Variants in PEX7 observed in about 807,000 individuals in gnomAD.
PEX7 encodes peroxisomal biogenesis factor 7.
A neutral mutation model predicts 47.5 loss-of-function variants in PEX7; 34 were observed. The observed-to-expected ratio is 0.72, with a 90% CI of 0.54 to 0.95. The LOEUF is 0.95. PEX7 is among the 40% of genes least tolerant of loss of function. The probability of loss-of-function intolerance (pLI) is 0.00; values close to 1 mark genes in which losing one functional copy is unlikely to be tolerated. For synonymous variants in PEX7, 141 were observed against 148.8 expected, an observed-to-expected ratio of 0.95 and a Z score of 0.38; for missense variants, 394 against 400.3, an observed-to-expected ratio of 0.98 and a Z score of 0.13.
intron 5 of PEX7, among the ~76,000 whole-genome samples, chr6:136,849,886 G>A (rs1774708032): frequency 6.6e-6 from 1 of 152,144 alleles, no homozygotes; most frequent in African/African-American, 2.4e-5. Flanking sequence ...GTGCAGAGCT[G>A]AGTTTAATTC....
chr6:136,844,740 G>C (rs1454658534), intron 3 of PEX7, among the ~76,000 whole-genome samples: 2 of 152,092 alleles, frequency 1.3e-5, no homozygotes, highest in African/African-American at 2.4e-5. Flanking sequence ...TAAGTGACGG[G>C]ATCAGTATTA....
chr6:136,831,526 C>T (rs150874354), intron 3 of PEX7, among the ~76,000 whole-genome samples: 1 of 152,374 alleles, frequency 6.6e-6, no homozygotes, highest in African/African-American at 2.4e-5. Flanking sequence ...GACTTTCCAA[C>T]AGTCCCCCAA....
Position 136,902,064 on chromosome 6 carries a change from C to T in PEX7, c.903+3823C>T, listed in dbSNP as rs1775761890. On this transcript the variant is annotated intron_variant, in intron 9 of 9. Coordinates refer to ENST00000318471, the MANE Select transcript of PEX7 (RefSeq NM_000288.4). The stretch of plus-strand genomic sequence containing the variant: ...CCTCCCAAAGTGCTGAGATTACAGG[C>T]GTGAGCCACTGCGCCCAGCCAAGTT... Among the ~76,000 whole-genome samples, 4 of 152,200 alleles carry T rather than the reference C, an allele frequency of 2.6e-5. No individual in the cohort carries two copies. The South Asian group carries it at 6.2e-4, about 24-fold the overall frequency.
intron 8 of PEX7, among the ~76,000 whole-genome samples, chr6:136,893,781 T>C (rs927374776): frequency 6.6e-6 from 1 of 152,188 alleles, no homozygotes; most frequent in African/African-American, 2.4e-5. Flanking sequence ...ATGTAAGACA[T>C]TGAAAAATAG....
chr6:136,891,491 G>C (rs1775553371), intron 8 of PEX7, among the ~76,000 whole-genome samples: 1 of 151,908 alleles, frequency 6.6e-6, no homozygotes, highest in Admixed American at 6.6e-5. Context: ...CAGGTAGTTA[G>C]GGTTTTTTTC....
chr6:136,845,935 C>G (rs991936569), intron 4 of PEX7, 138 bp from the exon 5 acceptor site: 1 of 688,056 alleles, frequency 1.5e-6, no homozygotes, highest in Non-Finnish European at 2.6e-6. Flanking sequence ...CAAAACAGAT[C>G]TTTAAAAATC....
chr6:136,872,139 C>T, intron 7 of PEX7, 59 bp from the exon 8 acceptor site: 1 of 1,309,644 alleles, frequency 7.6e-7, no homozygotes, highest in South Asian at 1.2e-5. Context: ...TCATAGAAAG[C>T]AGTGTTATAA....
intron 3 of PEX7, among the ~76,000 whole-genome samples, chr6:136,840,026 C>T (rs1307246916): frequency 2.6e-5 from 4 of 152,070 alleles, no homozygotes; most frequent in African/African-American, 9.7e-5. Flanking sequence ...GTGGAGAGGC[C>T]AGGGTAGTAG....
chr6:136,872,095 T>C, intron 7 of PEX7, 103 bp from the exon 8 acceptor site: 1 of 1,035,946 alleles, frequency 9.7e-7, no homozygotes, highest in Non-Finnish European at 1.4e-6. Flanking sequence ...CAGCTCTGAC[T>C]CAACTTAAAT....
chr6:136,827,824 G>A (rs1423512360), intron 3 of PEX7, among the ~76,000 whole-genome samples: 3 of 150,288 alleles, frequency 2.0e-5, no homozygotes, highest in Non-Finnish European at 4.4e-5. Flanking sequence ...GAGCCACCGT[G>A]CCCAGCCAAT....
intron 4 of PEX7, 83 bp downstream of exon 4, chr6:136,845,775 C>A (rs1582744793): frequency 3.4e-6 from 3 of 881,026 alleles, no homozygotes; most frequent in Non-Finnish European, 5.8e-6. Context: ...TTCCAACATA[C>A]TTCTGTAGCT....
Position 136,846,148 on chromosome 6 carries a change from C to T in PEX7, c.493C>T (p.Pro165Ser), listed in dbSNP as rs769206820. 1.2e-6 allele frequency: 2 copies of T among 1,612,824 alleles called. No homozygotes were observed. Among genetic ancestry groups the T allele is most frequent in the East Asian group, 2.2e-5 (1 of 44,846 alleles). The change falls in exon 5 of 10, where the codon CCC becomes TCC. Residue 165 changes from proline to serine, a missense_variant. Pro to Ser is a moderately conservative substitution (Grantham distance 74). Transcript: ENST00000318471. ...TATTATTTATAGCACAATCTGGTCT[C>T]CCCACATCCCTGGTTGTTTTGCTTC... Reference protein sequence around the residue: ...ESIIYSTIWSPHIPGCFASAS... With the variant: ...ESIIYSTIWSSHIPGCFASAS...
chr6:136,849,245 C>G (rs1225044597), intron 5 of PEX7, among the ~76,000 whole-genome samples: 2 of 151,916 alleles, frequency 1.3e-5, no homozygotes, highest in Non-Finnish European at 2.9e-5. Context: ...TCTCCCTTTT[C>G]TTCTTTATTA....
chr6:136,893,202 C>CTTTTTTTTTTT (rs1487406339), intron 8 of PEX7, among the ~76,000 whole-genome samples: 1 of 150,454 alleles, frequency 6.6e-6, no homozygotes, highest in Non-Finnish European at 1.5e-5. Context: ...CTTTTTTTTT[C>CTTTTTTTTTTT]TTTTTTTAAA....
intron 5 of PEX7, among the ~76,000 whole-genome samples, chr6:136,866,159 T>C (rs1343085818): frequency 6.6e-6 from 1 of 151,858 alleles, no homozygotes; most frequent in Non-Finnish European, 1.5e-5. Flanking sequence ...AATACACTTA[T>C]AGCTGGCCCG....
chr6:136,871,896 G>T (rs1346781790), intron 7 of PEX7, among the ~76,000 whole-genome samples: 2 of 152,038 alleles, frequency 1.3e-5, no homozygotes, highest in African/African-American at 4.8e-5. Flanking sequence ...ATATGAAATT[G>T]TATTTAATTT....
At chr6:136,855,887 T>G (rs1018439427) in intron 5 of PEX7, 9 of 197,544 alleles carry the variant, frequency 4.6e-5, no homozygotes, top group Non-Finnish European at 9.3e-5. Context: ...ATAAATCTGA[T>G]AGTGACAAAA....
In PEX7 at chr6:136,913,701, G is replaced by A. The variant is rs1335293788; in HGVS notation, c.*175G>A. 6.4e-6 allele frequency: 4 copies of A among 628,084 alleles called. No individual in the cohort carries two copies. Among genetic ancestry groups the A allele is most frequent in the African/African-American group, 1.8e-5 (1 of 54,282 alleles). The allele number at this position is 628,084 out of a possible 1,614,324, so 38.9% of individuals were successfully genotyped here. A position where few individuals can be genotyped will look rare whatever the true frequency, so the allele number is the denominator to read the frequency against. The stretch of plus-strand genomic sequence containing the variant: ...AGCTGATAAAGACTTTAGCTGACTC[G>A]TTAAGCCTGATACATAAGCCATATT... On this transcript the variant is annotated 3_prime_UTR_variant, in exon 10 of 10. Transcript: ENST00000318471.
intron 5 of PEX7, among the ~76,000 whole-genome samples, chr6:136,863,715 C>T (rs570999003): frequency 6.6e-6 from 1 of 152,148 alleles, no homozygotes; most frequent in Non-Finnish European, 1.5e-5. Flanking sequence ...GGAAACCAGC[C>T]TGGACAACAT....
Sources: allele counts gnomAD v4.1 joint callset (sites outside exome capture counted in the v4.1 genomes callset), GRCh38; gene constraint gnomAD v4.1.1; transcripts MANE v1.5; gene names NCBI Gene and HGNC (gene_info 2026-07-23, HGNC 2026-07-21).